GLCE: variants seen among roughly 807,000 people sequenced by gnomAD.
GLCE encodes the protein D-glucuronyl C5-epimerase.
In GLCE, 19 loss-of-function variants were observed where a neutral mutation model predicts 47.9. The observed-to-expected ratio is 0.40, with a 90% CI of 0.28 to 0.58. The LOEUF is 0.58. GLCE is among the 20% of genes least tolerant of loss of function. GLCE has a pLI of 0.48. For missense variants in GLCE, 556 were observed against 743.3 expected (o/e 0.75, Z 2.93); for synonymous variants, 245 against 263.4 (o/e 0.93, Z 0.68).
intron 1 of GLCE, among the ~76,000 whole-genome samples, chr15:69,172,388 C>A (rs1461772017): frequency 2.6e-5 from 4 of 152,150 alleles, no homozygotes; most frequent in Admixed American, 1.3e-4. Flanking sequence ...AGCTTCACTT[C>A]TTTTTTTATG....
At chr15:69,192,426 C>T (rs2051927045) in intron 1 of GLCE, among the ~76,000 whole-genome samples, 1 of 151,454 alleles carries the variant, frequency 6.6e-6, no homozygotes, top group Non-Finnish European at 1.5e-5. Context: ...TCTTTGTCTC[C>T]TCATTGTGTT....
intron 1 of GLCE, among the ~76,000 whole-genome samples, chr15:69,164,904 A>G (rs1054985221): frequency 1.3e-5 from 2 of 152,170 alleles, no homozygotes; most frequent in African/African-American, 4.8e-5. Flanking sequence ...TGGATATAGA[A>G]TGAGGTCTCT....
intron 1 of GLCE, among the ~76,000 whole-genome samples, chr15:69,192,492 C>T (rs551874590): frequency 1.3e-5 from 2 of 152,108 alleles, no homozygotes; most frequent in South Asian, 4.1e-4. Context: ...TTAATGTTCT[C>T]ATCTCTTAAT....
chr15:69,211,048 A>T, intron 2 of GLCE, among the ~76,000 whole-genome samples: 1 of 152,128 alleles, frequency 6.6e-6, no homozygotes, highest in East Asian at 1.9e-4. Context: ...ATGAAAACTT[A>T]TTAGAGATTT....
chr15:69,262,657 A>G (rs1472829882), intron 4 of GLCE, among the ~76,000 whole-genome samples: 1 of 152,140 alleles, frequency 6.6e-6, no homozygotes, highest in Non-Finnish European at 1.5e-5. Context: ...ATAGGTCCCC[A>G]CATCTTAAAT....
intron 1 of GLCE, among the ~76,000 whole-genome samples, chr15:69,187,841 T>C (rs1042791916): frequency 2.6e-5 from 4 of 152,032 alleles, no homozygotes; most frequent in African/African-American, 9.7e-5. Flanking sequence ...GGCGGGTGGA[T>C]TGCTTGAAGT....
At chr15:69,166,900 C>A (rs1177726189) in intron 1 of GLCE, among the ~76,000 whole-genome samples, 1 of 100,526 alleles carries the variant, frequency 9.9e-6, no homozygotes. Context: ...CAGACCTAGA[C>A]TCTGTCTCAA....
intron 2 of GLCE, among the ~76,000 whole-genome samples, chr15:69,253,204 C>T (rs1052623771): frequency 2.0e-5 from 3 of 152,194 alleles, no homozygotes; most frequent in Admixed American, 6.5e-5. Context: ...AAACACTAGG[C>T]AGATTTTCTT....
At chr15:69,262,605 G>A (rs1023371048) in intron 4 of GLCE, among the ~76,000 whole-genome samples, 1 of 152,156 alleles carries the variant, frequency 6.6e-6, no homozygotes, top group African/African-American at 2.4e-5. Flanking sequence ...TAGAGCAACA[G>A]ATTTCATTGT....
intron 1 of GLCE, among the ~76,000 whole-genome samples, chr15:69,201,541 T>G (rs2052076560): frequency 2.0e-5 from 3 of 150,860 alleles, no homozygotes; most frequent in Non-Finnish European, 4.4e-5. Context: ...TATTCCATAT[T>G]TATGTAAGCT....
intron 1 of GLCE, among the ~76,000 whole-genome samples, chr15:69,164,177 C>T (rs2051467469): frequency 6.6e-6 from 1 of 151,980 alleles, no homozygotes; most frequent in South Asian, 2.1e-4. Flanking sequence ...ATATACACAT[C>T]TGATAGATAT....
chr15:69,167,407 C>T (rs895415031), intron 1 of GLCE, among the ~76,000 whole-genome samples: 3 of 152,170 alleles, frequency 2.0e-5, no homozygotes, highest in Admixed American at 6.5e-5. Context: ...CATGGAGACA[C>T]GCCAGTGCCT....
chr15:69,217,089 T>TATG (rs2052317904), intron 2 of GLCE, among the ~76,000 whole-genome samples: 2 of 152,198 alleles, frequency 1.3e-5, no homozygotes, highest in South Asian at 2.1e-4. Context: ...GTGTTGTTAT[T>TATG]ATGATGATGA....
intron 1 of GLCE, among the ~76,000 whole-genome samples, chr15:69,163,662 G>T (rs1009440227): frequency 6.6e-5 from 10 of 152,178 alleles, no homozygotes; most frequent in Non-Finnish European, 7.4e-5. Context: ...ACCATGTTTG[G>T]ATTCTTCAGG....
At chr15:69,208,769 A>C (rs1311056740) in intron 1 of GLCE, among the ~76,000 whole-genome samples, 1 of 152,016 alleles carries the variant, frequency 6.6e-6, no homozygotes, top group Non-Finnish European at 1.5e-5. Flanking sequence ...ATATCTTTCT[A>C]CTTACTCAGA....
At chr15:69,225,790 T>G (rs1390154121) in intron 2 of GLCE, among the ~76,000 whole-genome samples, 1 of 152,206 alleles carries the variant, frequency 6.6e-6, no homozygotes, top group Non-Finnish European at 1.5e-5. Context: ...TTATGAAGTA[T>G]TCTTTAAATC....
At chr15:69,190,264 G>A (rs1438492507) in intron 1 of GLCE, among the ~76,000 whole-genome samples, 13 of 152,082 alleles carry the variant, frequency 8.5e-5, no homozygotes, top group Admixed American at 8.5e-4. Context: ...TGTGTATTCT[G>A]CTGTAATTTG....
intron 4 of GLCE, among the ~76,000 whole-genome samples, chr15:69,264,283 A>G (rs2053055050): frequency 6.6e-6 from 1 of 151,898 alleles, no homozygotes; most frequent in Non-Finnish European, 1.5e-5. Flanking sequence ...ACGTAGCATA[A>G]TTCCTTCAAG....
At chr15:69,226,672 A>G (rs1481664539) in intron 2 of GLCE, among the ~76,000 whole-genome samples, 1 of 151,362 alleles carries the variant, frequency 6.6e-6, no homozygotes, top group Non-Finnish European at 1.5e-5. Context: ...TCCCTGATCC[A>G]TAAATCAGGA....
Sources: allele counts gnomAD v4.1 joint callset (sites outside exome capture counted in the v4.1 genomes callset), GRCh38; gene constraint gnomAD v4.1.1; transcripts MANE v1.5; gene names NCBI Gene and HGNC (gene_info 2026-07-23, HGNC 2026-07-21).